Variants in TICRR observed in about 807,000 individuals in gnomAD.
The protein encoded by TICRR is treslin.
TICRR carries 132 observed loss-of-function variants against 178.1 expected under a neutral mutation model. That is an observed-to-expected ratio of 0.74 (90% CI 0.64 to 0.86). TICRR has a LOEUF of 0.86. Ranked by LOEUF, TICRR falls within the 40% of genes least tolerant of loss-of-function variation. The pLI is 0.00. For synonymous variants in TICRR, 991 were observed against 900.7 expected, an observed-to-expected ratio of 1.10 and a Z score of -1.79; for missense variants, 2,587 against 2,334.3, an observed-to-expected ratio of 1.11 and a Z score of -2.23.
In TICRR at chr15:89,601,533, G is replaced by C. The variant is rs371637075; in HGVS notation, c.2292G>C (p.Ala764=). The C allele has an allele frequency of 1.9e-6, 3 of 1,614,046 alleles. No individual in the cohort carries two copies. Among genetic ancestry groups the C allele is most frequent in the African/African-American group, 2.7e-5 (2 of 74,908 alleles). The part of the protein sequence containing the change: ...LRMVCLTEDS[A]YLAEFLEEIL... ...TGGTGTGTTTAACTGAGGATTCAGC[G>C]TACCTAGCAGAGTTTCTGGAGGAAA... Residue 764 remains alanine (A), a synonymous_variant, in exon 11 of 22, where the codon GCG becomes GCC. Coordinates refer to ENST00000268138, the MANE Select transcript of TICRR (RefSeq NM_152259.4).
At chr15:89,618,382 G>C (rs1963369322) in intron 17 of TICRR, among the ~76,000 whole-genome samples, 172 bp downstream of exon 17, 1 of 152,198 alleles carries the variant, frequency 6.6e-6, no homozygotes, top group South Asian at 2.1e-4. Context: ...CTGCATAGAA[G>C]GTACTGAGAG....
At chr15:89,613,131 TTC>T (rs1963279268) in intron 15 of TICRR, among the ~76,000 whole-genome samples, 1 of 152,154 alleles carries the variant, frequency 6.6e-6, no homozygotes, top group Admixed American at 6.5e-5. Flanking sequence ...TAATGACAAA[TTC>T]TGTTTTATTT....
chr15:89,605,662 G>A (rs1439822235), intron 13 of TICRR, among the ~76,000 whole-genome samples: 1 of 152,116 alleles, frequency 6.6e-6, no homozygotes, highest in African/African-American at 2.4e-5. Flanking sequence ...CCAGCCGGAT[G>A]TGTGACATAT....
At chr15:89,586,707 G>A (rs145044215) in intron 4 of TICRR, among the ~76,000 whole-genome samples, 172 of 152,330 alleles carry the variant, frequency 1.1e-3, no homozygotes, top group Middle Eastern at 0.01. Flanking sequence ...AGTGATGGCA[G>A]GGAGTTGCTG....
At chr15:89,618,107 A>T in intron 16 of TICRR, 45 bp from the exon 17 acceptor site, 1 of 1,581,044 alleles carries the variant, frequency 6.3e-7, no homozygotes, top group Non-Finnish European at 8.7e-7. Flanking sequence ...ATAAGTGTTA[A>T]TTACAAGTGG....
rs1285264948 is a variant in TICRR at position 89,624,128 on chromosome 15, G to A, written c.3818G>A (p.Arg1273Lys). 4 of 1,613,772 alleles carry A rather than the reference G, an allele frequency of 2.5e-6. No individual in the cohort carries two copies. Among genetic ancestry groups the A allele is most frequent in the Non-Finnish European group, 3.4e-6 (4 of 1,179,978 alleles). ...ACACACCAACAGCCCCATGTCCTCA[G>A]AGCTGCTCGGGCAGAGGAACCAGCC... ...NQTHQQPHVL[R>K]AARAEEPAQK... is the part of the protein sequence containing the mutation. The change falls in exon 20 of 22, where the codon AGA becomes AAA. Residue 1273 changes from arginine to lysine, a missense_variant. Arg to Lys is a conservative substitution (Grantham distance 26). Transcript: ENST00000268138.
rs749187405 is a variant in TICRR, at chr15:89,624,698, A to G, written c.4388A>G (p.His1463Arg). ...CTGCTCATTACAAGTGACACAGAGC[A>G]TGTCACTCTCCTCAGTGAAGCCGAA... ...SPLLITSDTE[H>R]VTLLSEAEHH... Residue 1463 changes from histidine to arginine, a missense_variant, in exon 20 of 22, where the codon CAT (histidine) becomes CGT (arginine). Physicochemically the swap from His to Arg is conservative, Grantham distance 29 (BLOSUM62 0). Transcript: ENST00000268138. 6 of 1,614,108 alleles carry G rather than the reference A, an allele frequency of 3.7e-6. No individual in the cohort carries two copies. The highest frequency in any genetic ancestry group is 5.1e-6 in the Non-Finnish European group (6 of 1,180,028).
Position 89,584,509 on chromosome 15 carries a change from T to G in TICRR, c.1158T>G (p.Thr386=). ...LLFQQLVSRL[T]AEELHLVADV... ...TTCAGCAGTTGGTAAGCAGGCTGAC[T>G]GCTGAAGAGTTACACCTGGTAGGTA... Residue 386 remains threonine, a synonymous_variant, in exon 3 of 22, where the codon ACT becomes ACG. Transcript: ENST00000268138. 6.3e-7 allele frequency: 1 copy of G among 1,585,836 alleles called. No homozygotes were observed. The highest frequency in any genetic ancestry group is 2.3e-5 in the East Asian group (1 of 44,406).
intron 4 of TICRR, among the ~76,000 whole-genome samples, chr15:89,588,049 A>G (rs2141956149): frequency 6.6e-6 from 1 of 152,286 alleles, no homozygotes; most frequent in South Asian, 2.1e-4. Context: ...ATCTGTGACA[A>G]CTGGGGGAAG....
intron 19 of TICRR, among the ~76,000 whole-genome samples, chr15:89,622,365 C>G (rs181066535): frequency 2.0e-5 from 3 of 152,152 alleles, no homozygotes; most frequent in African/African-American, 7.2e-5. Context: ...TGGAACACTT[C>G]AACAGGCTTT....
chr15:89,594,304 G>A (rs1962960107), intron 5 of TICRR, 111 bp from the exon 6 acceptor site: 1 of 886,684 alleles, frequency 1.1e-6, no homozygotes, highest in Non-Finnish European at 1.7e-6. Context: ...CATCTTGTGG[G>A]GACATCTTTT....
chr15:89,587,326 A>G (rs1290747895), intron 4 of TICRR, among the ~76,000 whole-genome samples: 2 of 152,126 alleles, frequency 1.3e-5, no homozygotes. Context: ...GGTATTGAGT[A>G]GGCATCAACT....
intron 14 of TICRR, among the ~76,000 whole-genome samples, chr15:89,607,189 A>T (rs532148499): frequency 2.6e-5 from 4 of 152,156 alleles, no homozygotes; most frequent in Non-Finnish European, 5.9e-5. Context: ...AAAAAATACT[A>T]GAAAGGATAT....
Position 89,575,628 on chromosome 15 carries a change from G to A in TICRR, c.42G>A (p.Ala14=). 2 of 1,543,764 alleles carry A rather than the reference G, an allele frequency of 1.3e-6. No homozygotes were observed. The highest frequency in any genetic ancestry group is 8.7e-7 in the Non-Finnish European group (1 of 1,149,722). The change falls in exon 1 of 22, where the codon GCG becomes GCA. Residue 14 remains alanine (A), a synonymous_variant. Transcript: ENST00000268138. The stretch of plus-strand genomic sequence containing the variant: ...AAGTAATGCTGCTGCTGGACACCGC[G>A]GGCGGCGCCGCCCGCCACAGCCGGG... ...CHKVMLLLDT[A]GGAARHSRVR...
Position 89,602,999 on chromosome 15 carries a change from A to G in TICRR, c.2664+107A>G, listed in dbSNP as rs1963121309. ...GGAGGATACAGAAATAATATTAAAT[A>G]TTTTTATGAATGTGTATAAAACTAT... On this transcript the variant is annotated intron_variant, in intron 13 of 21. Transcript: ENST00000268138. The G allele has an allele frequency of 8.7e-6, 4 of 458,402 alleles. No homozygotes were observed. In the Admixed American group the frequency reaches 1.8e-4, roughly 20 times the overall value. The allele number at this position is 458,402 out of a possible 1,614,324, so 28.4% of individuals were successfully genotyped here.
At chr15:89,622,308 C>G (rs1324861034) in intron 19 of TICRR, among the ~76,000 whole-genome samples, 1 of 151,960 alleles carries the variant, frequency 6.6e-6, no homozygotes, top group African/African-American at 2.4e-5. Context: ...CTTGTACCCA[C>G]CCCCTCTTCT....
chr15:89,585,124 G>C (rs1341713450), intron 3 of TICRR, among the ~76,000 whole-genome samples: 1 of 152,084 alleles, frequency 6.6e-6, no homozygotes, highest in African/African-American at 2.4e-5. Flanking sequence ...TCTCTATTCT[G>C]GTTCCCATTG....
rs201426177 is a variant in TICRR, at chr15:89,582,337, AAAAG to A, written c.655-348_655-345del. The stretch of plus-strand genomic sequence containing the variant: ...AGACTCTGACTCAAAAAAAAAAAAA[AAAAG>A]GTTATTTTTATTAATGTATAATGGT... On this transcript the variant is annotated intron_variant, in intron 1 of 21. Transcript: ENST00000268138. 1,575 of 163,916 alleles carry A rather than the reference AAAAG, an allele frequency of 9.6e-3. 35 individuals are homozygous for A. Among genetic ancestry groups the A allele is most frequent in the African/African-American group, 0.037 (1,518 of 41,568 alleles). The allele number at this position is 163,916 out of a possible 1,614,324, so 10.2% of individuals were successfully genotyped here.
Position 89,627,739 on chromosome 15 carries a change from C to G in TICRR, c.*653C>G, listed in dbSNP as rs1017469220. On this transcript the variant is annotated 3_prime_UTR_variant, in exon 22 of 22. Coordinates refer to ENST00000268138, the MANE Select transcript of TICRR (RefSeq NM_152259.4). ...TCAGGGCTCAGGCCTCACCCATTGC[C>G]CACTCCTGGGGAGACCATCACCTGG... 5.2e-5 allele frequency: 8 copies of G among 152,900 alleles called. No individual in the cohort carries two copies. The highest frequency in any genetic ancestry group is 1.9e-4 in the African/African-American group (8 of 41,452). The allele number at this position is 152,900 out of a possible 1,614,324, so 9.5% of individuals were successfully genotyped here. A position where few individuals can be genotyped will look rare whatever the true frequency, so the allele number is the denominator to read the frequency against.
Sources: gnomAD v4.1 joint callset for allele counts (sites outside exome capture counted in the v4.1 genomes callset) on GRCh38, gnomAD v4.1.1 for gene constraint, MANE v1.5 for transcripts, NCBI Gene and HGNC (gene_info 2026-07-23, HGNC 2026-07-21) for gene names.